GNA13: variants seen among roughly 807,000 people sequenced by gnomAD.
The protein encoded by GNA13 is G protein subunit alpha 13.
Under a neutral mutation model 33.5 loss-of-function variants are expected in GNA13, and 4 were observed. The observed-to-expected ratio is 0.12, with a 90% CI of 0.06 to 0.27. The LOEUF is 0.27. GNA13 is among the 10% of genes least tolerant of loss of function. The probability of loss-of-function intolerance (pLI) is 1.00; values close to 1 mark genes in which losing one functional copy is unlikely to be tolerated. For synonymous variants in GNA13, 176 were observed against 183.8 expected, an observed-to-expected ratio of 0.96 and a Z score of 0.34; for missense variants, 319 against 487.2, an observed-to-expected ratio of 0.65 and a Z score of 3.25.
intron 2 of GNA13, 99 bp downstream of exon 2, chr17:65,053,402 AT>A (rs559974938): frequency 1.3e-6 from 1 of 747,050 alleles, no homozygotes; most frequent in Non-Finnish European, 2.3e-6. Context: ...ATACTTTTAG[AT>A]TTGGGAACAT....
chr17:65,041,759 GGTTA>G (rs1396121914), intron 2 of GNA13, among the ~76,000 whole-genome samples: 8 of 152,128 alleles, frequency 5.3e-5, no homozygotes, highest in Non-Finnish European at 2.9e-5. Context: ...CTGAGCCAGA[GGTTA>G]TCTCCCCATG....
At chr17:65,030,344 T>C (rs758571186) in intron 2 of GNA13, among the ~76,000 whole-genome samples, 12 of 152,252 alleles carry the variant, frequency 7.9e-5, no homozygotes, top group Admixed American at 2.0e-4. Context: ...CTCCAGATGC[T>C]GGTGAAGAAT....
chr17:65,047,400 A>G (rs1907704292), intron 2 of GNA13, among the ~76,000 whole-genome samples: 1 of 152,164 alleles, frequency 6.6e-6, no homozygotes, highest in East Asian at 1.9e-4. Context: ...AAAAAATATT[A>G]ATAAAGTAAG....
At position 65,011,830 on chromosome 17, in the gene GNA13, ATC is replaced by A. The variant is rs1210139096; in HGVS notation, c.*2425_*2426del. ...TTTTCAATTCTGTTCACTAAATTTC[ATC>A]TCTCTCTTCATATAGTGGTATTTCA... On this transcript the variant is annotated 3_prime_UTR_variant, in exon 4 of 4. Coordinates refer to ENST00000439174, the MANE Select transcript of GNA13 (RefSeq NM_006572.6). The A allele has an allele frequency of 3.1e-5, 7 of 226,176 alleles. No homozygotes were observed. The highest frequency in any genetic ancestry group is 5.3e-5 in the Non-Finnish European group (6 of 113,728). 14.0% of individuals were successfully genotyped at this position (226,176 alleles called of 1,614,324 possible). A position where few individuals can be genotyped will look rare whatever the true frequency, so the allele number is the denominator to read the frequency against.
chr17:65,048,504 G>C (rs572239043), intron 2 of GNA13, among the ~76,000 whole-genome samples: 4 of 152,244 alleles, frequency 2.6e-5, no homozygotes, highest in Non-Finnish European at 4.4e-5. Context: ...ATTATCCTCA[G>C]TATGCTAATT....
chr17:65,047,558 A>C (rs1469044218), intron 2 of GNA13, among the ~76,000 whole-genome samples: 1 of 152,192 alleles, frequency 6.6e-6, no homozygotes, highest in Non-Finnish European at 1.5e-5. Flanking sequence ...GAGAAAATGG[A>C]CCAATCATCC....
chr17:65,039,036 TA>T (rs1477358687), intron 2 of GNA13, among the ~76,000 whole-genome samples: 10 of 152,270 alleles, frequency 6.6e-5, no homozygotes, highest in Non-Finnish European at 1.3e-4. Context: ...ATGCCCAAAC[TA>T]AACTCTTAAT....
At chr17:65,040,060 T>A (rs1236884676) in intron 2 of GNA13, among the ~76,000 whole-genome samples, 1 of 152,132 alleles carries the variant, frequency 6.6e-6, no homozygotes, top group Non-Finnish European at 1.5e-5. Flanking sequence ...AAAGTATTTC[T>A]ATAGAATGAA....
intron 1 of GNA13, chr17:65,055,882 C>T: frequency 3.0e-6 from 1 of 333,556 alleles, no homozygotes; most frequent in Non-Finnish European, 4.3e-6. Context: ...TAGCGAGGTT[C>T]GGCCCACATC....
chr17:65,051,453 TA>T (rs928032120), intron 2 of GNA13, among the ~76,000 whole-genome samples: 1 of 152,116 alleles, frequency 6.6e-6, no homozygotes, highest in Non-Finnish European at 1.5e-5. Context: ...CTGTCTCTAC[TA>T]AAAATACAAA....
intron 2 of GNA13, among the ~76,000 whole-genome samples, chr17:65,049,646 C>G (rs1274911795): frequency 6.6e-6 from 1 of 152,112 alleles, no homozygotes; most frequent in East Asian, 1.9e-4. Context: ...GCCAAGAAGA[C>G]TGGAGATGCT....
In GNA13 at chr17:65,015,652, G is replaced by A. The variant is rs12943269; in HGVS notation, c.562-823C>T. Reference sequence around the variant, plus strand: ...CACTCCAGCCTGGGTGACAGAGCAAGACTTTGTCTTAAAAAAAAAAAAAAA... The same window carrying A: ...CACTCCAGCCTGGGTGACAGAGCAAAACTTTGTCTTAAAAAAAAAAAAAAA... On this transcript the variant is annotated intron_variant, in intron 3 of 3. Transcript: ENST00000439174. Among the ~76,000 whole-genome samples, 3 of 133,346 alleles carry A rather than the reference G, an allele frequency of 2.2e-5. No individual in the cohort carries two copies. In the Admixed American group the frequency reaches 2.3e-4, roughly 10 times the overall value. The allele number at this position is 133,346 out of a possible 152,430, so 87.5% of individuals were successfully genotyped here. A position where few individuals can be genotyped will look rare whatever the true frequency, so the allele number is the denominator to read the frequency against.
chr17:65,048,602 T>C (rs1482147996), intron 2 of GNA13, among the ~76,000 whole-genome samples: 1 of 152,186 alleles, frequency 6.6e-6, no homozygotes, highest in Admixed American at 6.5e-5. Context: ...AGCTGACCCA[T>C]GATGGAACTA....
chr17:65,028,184 T>C (rs1461260292), intron 2 of GNA13, among the ~76,000 whole-genome samples: 2 of 151,918 alleles, frequency 1.3e-5, no homozygotes, highest in Admixed American at 6.6e-5. Context: ...TGAGATCGCG[T>C]CACTGCACTC....
chr17:65,046,348 T>C (rs1301291627), intron 2 of GNA13, among the ~76,000 whole-genome samples: 1 of 152,210 alleles, frequency 6.6e-6, no homozygotes, highest in Non-Finnish European at 1.5e-5. Context: ...TGGAGTGCAA[T>C]GGTGCTATCA....
At chr17:65,046,624 C>T (rs140040182) in intron 2 of GNA13, among the ~76,000 whole-genome samples, 1 of 152,228 alleles carries the variant, frequency 6.6e-6, no homozygotes, top group Non-Finnish European at 1.5e-5. Flanking sequence ...CTGCGCATAT[C>T]TGTGAAAGAT....
At chr17:65,030,571 T>C (rs1265870684) in intron 2 of GNA13, among the ~76,000 whole-genome samples, 2 of 152,234 alleles carry the variant, frequency 1.3e-5, no homozygotes, top group Non-Finnish European at 1.5e-5. Context: ...CAAAAGTTTG[T>C]TTGCTACTAA....
In GNA13 at chr17:65,037,729, C is replaced by T. The variant is rs117307690; in HGVS notation, c.510+15773G>A. The stretch of plus-strand genomic sequence containing the variant: ...GGCAGACTGCTTGAGCCCAGGAGTT[C>T]GAGACCAGCCTAGGCAACATGGAGA... On this transcript the variant is annotated intron_variant, in intron 2 of 3. Transcript: ENST00000439174. Among the ~76,000 whole-genome samples the T allele has an allele frequency of 2.0e-3, 275 of 134,994 alleles. 10 individuals are homozygous for T. In the East Asian group the frequency reaches 0.051, roughly 25 times the overall value. The allele number at this position is 134,994 out of a possible 152,430, so 88.6% of individuals were successfully genotyped here. A position where few individuals can be genotyped will look rare whatever the true frequency, so the allele number is the denominator to read the frequency against.
At chr17:65,025,322 C>T (rs548177804) in intron 2 of GNA13, among the ~76,000 whole-genome samples, 4 of 152,242 alleles carry the variant, frequency 2.6e-5, no homozygotes, top group African/African-American at 9.6e-5. Flanking sequence ...ATATAGCTTC[C>T]TCTTTTAAAA....
Sources: allele counts gnomAD v4.1 joint callset (sites outside exome capture counted in the v4.1 genomes callset), GRCh38; gene constraint gnomAD v4.1.1; transcripts MANE v1.5; gene names NCBI Gene and HGNC (gene_info 2026-07-23, HGNC 2026-07-21).